The following ELAVL2 variants were observed in gnomAD, a reference collection of about 807,000 sequenced individuals.
ELAVL2 encodes the protein ELAV-like protein 2.
In ELAVL2, 4 loss-of-function variants were observed where a neutral mutation model predicts 34.6. The ratio of observed to expected loss-of-function variants is 0.12; its 90% CI spans 0.06 to 0.26. The LOEUF is 0.26. Among genes scored for constraint, ELAVL2 ranks in the 10% least tolerant of loss-of-function variants. ELAVL2 has a pLI of 1.00. For missense variants in ELAVL2, 432 were observed against 442.8 expected (o/e 0.98, Z 0.22); for synonymous variants, 193 against 154.8 (o/e 1.25, Z -1.83).
chr9:23,840,863 T>A, the ELAVL2 span, among the ~76,000 whole-genome samples: 1 of 152,160 alleles, frequency 6.6e-6, no homozygotes, highest in Non-Finnish European at 1.5e-5. Flanking sequence ...CTAACTGTCC[T>A]ACTTCAAGTA....
intron 1 of ELAVL2, among the ~76,000 whole-genome samples, chr9:23,820,377 G>A (rs557470576): frequency 3.9e-4 from 60 of 152,262 alleles, no homozygotes; most frequent in Middle Eastern, 3.4e-3. Flanking sequence ...TTACATTTTG[G>A]CACTTCTAAG....
intron 2 of ELAVL2, among the ~76,000 whole-genome samples, chr9:23,754,304 T>C (rs2135712866): frequency 6.6e-6 from 1 of 152,294 alleles, no homozygotes; most frequent in African/African-American, 2.4e-5. Flanking sequence ...TCCTAGCAAC[T>C]AGCCATTAAA....
At chr9:23,735,889 G>C (rs1252433881) in intron 2 of ELAVL2, among the ~76,000 whole-genome samples, 1 of 152,122 alleles carries the variant, frequency 6.6e-6, no homozygotes, top group African/African-American at 2.4e-5. Context: ...GCAAGGAGAG[G>C]AAAACAGGAA....
chr9:23,761,963 A>C, intron 2 of ELAVL2, 43 bp downstream of exon 2: 1 of 1,560,270 alleles, frequency 6.4e-7, no homozygotes, highest in East Asian at 2.3e-5. Context: ...CTATCTTGAG[A>C]CACGATCCGT....
intron 3 of ELAVL2, among the ~76,000 whole-genome samples, chr9:23,730,160 C>G (rs553127083): frequency 6.6e-6 from 1 of 152,082 alleles, no homozygotes; most frequent in Non-Finnish European, 1.5e-5. Flanking sequence ...GATGGTACAG[C>G]TAACTAAGAA....
chr9:23,767,267 A>G (rs1022124692), intron 1 of ELAVL2, among the ~76,000 whole-genome samples: 5 of 152,360 alleles, frequency 3.3e-5, no homozygotes, highest in African/African-American at 7.2e-5. Flanking sequence ...TGTTTTCACA[A>G]TAGTGGAATT....
chr9:23,726,696 C>T (rs1243187475), intron 3 of ELAVL2, among the ~76,000 whole-genome samples: 1 of 152,088 alleles, frequency 6.6e-6, no homozygotes, highest in Non-Finnish European at 1.5e-5. Flanking sequence ...AGGAAGTCTA[C>T]ACATATTCTT....
intron 3 of ELAVL2, among the ~76,000 whole-genome samples, chr9:23,720,479 T>A (rs187758627): frequency 6.6e-6 from 1 of 152,290 alleles, no homozygotes; most frequent in African/African-American, 2.4e-5. Flanking sequence ...GACACCCATT[T>A]TAAATGGATA....
intron 3 of ELAVL2, among the ~76,000 whole-genome samples, chr9:23,723,606 GATCAGTTTCA>G (rs2044314943): frequency 6.6e-6 from 1 of 151,396 alleles, no homozygotes. Flanking sequence ...TGGCCATCCA[GATCAGTTTCA>G]ATTTATCTTA....
intron 1 of ELAVL2, among the ~76,000 whole-genome samples, chr9:23,820,567 C>A (rs1427030446): frequency 6.6e-6 from 1 of 152,204 alleles, no homozygotes; most frequent in African/African-American, 2.4e-5. Flanking sequence ...GCTCATAGCT[C>A]GCATCTAGAG....
chr9:23,761,365 C>G (rs1024975963), intron 2 of ELAVL2, among the ~76,000 whole-genome samples: 3 of 151,920 alleles, frequency 2.0e-5, no homozygotes, highest in Non-Finnish European at 4.4e-5. Flanking sequence ...TTGGTTTACT[C>G]TAAAAATTTA....
At chr9:23,779,300 T>C (rs545066915) in intron 1 of ELAVL2, 4 of 985,406 alleles carry the variant, frequency 4.1e-6, no homozygotes, top group East Asian at 1.1e-4. Context: ...TGCTTCACAC[T>C]GGCAAAGTGG....
intron 2 of ELAVL2, among the ~76,000 whole-genome samples, chr9:23,758,627 A>C (rs1588165653): frequency 1.3e-5 from 2 of 152,146 alleles, no homozygotes; most frequent in East Asian, 3.9e-4. Context: ...TGGTCTGATA[A>C]CCAGTTAACA....
At chr9:23,818,002 T>A (rs1328272147) in intron 1 of ELAVL2, among the ~76,000 whole-genome samples, 1 of 152,222 alleles carries the variant, frequency 6.6e-6, no homozygotes, top group East Asian at 1.9e-4. Context: ...CTATAAACCG[T>A]CTAGTATCTC....
rs560207981 is a variant in ELAVL2, at chr9:23,815,894, A to C, written c.-16+9912T>G. On this transcript the variant is annotated intron_variant, in intron 1 of 6. Transcript: ENST00000397312. Reference sequence around the variant, plus strand: ...AGAATGGATTTTAAAACAAACTATGAGACAGGAAAGCTTAGAGTCAGTCAT... The same window carrying C: ...AGAATGGATTTTAAAACAAACTATGCGACAGGAAAGCTTAGAGTCAGTCAT... Among the ~76,000 whole-genome samples, 14 of 152,280 alleles carry C rather than the reference A, an allele frequency of 9.2e-5. No individual in the cohort carries two copies. In the South Asian group the frequency reaches 2.7e-3, roughly 29 times the overall value.
At chr9:23,831,544 C>G in the ELAVL2 span, 1 of 152,166 alleles carries the variant, frequency 6.6e-6, no homozygotes, top group Non-Finnish European at 1.5e-5. Flanking sequence ...CTTATCAGCC[C>G]GCTGCAGAGA....
At chr9:23,782,366 C>G (rs1465332739) in intron 1 of ELAVL2, among the ~76,000 whole-genome samples, 1 of 151,808 alleles carries the variant, frequency 6.6e-6, no homozygotes, top group Non-Finnish European at 1.5e-5. Flanking sequence ...GAAACCCCAG[C>G]TCTACTAAAA....
chr9:23,811,481 G>C (rs1202502114), intron 1 of ELAVL2, among the ~76,000 whole-genome samples: 1 of 152,216 alleles, frequency 6.6e-6, no homozygotes, highest in African/African-American at 2.4e-5. Context: ...CCTTAGCCAT[G>C]AAGATGACGC....
intron 5 of ELAVL2, among the ~76,000 whole-genome samples, chr9:23,694,507 C>T (rs946368400): frequency 1.5e-4 from 23 of 151,926 alleles, no homozygotes; most frequent in African/African-American, 5.3e-4. Flanking sequence ...ATGCTCAACA[C>T]TCTCCAAAGA....
Sources: gnomAD v4.1 joint callset for allele counts (sites outside exome capture counted in the v4.1 genomes callset) on GRCh38, gnomAD v4.1.1 for gene constraint, MANE v1.5 for transcripts, NCBI Gene and HGNC (gene_info 2026-07-23, HGNC 2026-07-21) for gene names.